PLD1: variants seen among roughly 807,000 people sequenced by gnomAD.
The protein encoded by PLD1 is choline phosphatase 1.
PLD1 carries 112 observed loss-of-function variants against 137.1 expected under a neutral mutation model. The observed-to-expected ratio is 0.82, with a 90% CI of 0.70 to 0.96. The LOEUF (loss-of-function observed/expected upper bound fraction) is 0.96. Among genes scored for constraint, PLD1 ranks in the 40% least tolerant of loss-of-function variants. The pLI is 0.00. For synonymous variants in PLD1, 431 were observed against 454.7 expected, an observed-to-expected ratio of 0.95 and a Z score of 0.66; for missense variants, 1,321 against 1,342.0, an observed-to-expected ratio of 0.98 and a Z score of 0.24.
At chr3:171,680,025 A>G (rs1269250364) in intron 16 of PLD1, among the ~76,000 whole-genome samples, 1 of 151,938 alleles carries the variant, frequency 6.6e-6, no homozygotes, top group Non-Finnish European at 1.5e-5. Flanking sequence ...AGTGGCTCAG[A>G]TTCTGGCTAC....
At chr3:171,603,986 ACT>A (rs1294091723) in intron 26 of PLD1, among the ~76,000 whole-genome samples, 2 of 152,122 alleles carry the variant, frequency 1.3e-5, no homozygotes, top group Non-Finnish European at 2.9e-5. Flanking sequence ...CATTTTAATG[ACT>A]CTATGCACAT....
intron 1 of PLD1, among the ~76,000 whole-genome samples, chr3:171,750,670 C>T (rs1263406664): frequency 6.6e-6 from 1 of 152,118 alleles, no homozygotes; most frequent in African/African-American, 2.4e-5. Flanking sequence ...AGCTTGTGTT[C>T]AGGAGAACCA....
At position 171,757,622 on chromosome 3, in the gene PLD1, G is replaced by T. The variant is rs550321661; in HGVS notation, c.-31-19540C>A. On this transcript the variant is annotated intron_variant, in intron 1 of 26. Transcript: ENST00000351298. The stretch of plus-strand genomic sequence containing the variant: ...GAAAGATAGATGCCAAAAGTGGAAG[G>T]CATGTATATGCTCAGAATTTGATCT... 2.6e-5 allele frequency among the ~76,000 whole-genome samples: 4 copies of T among 152,250 alleles called. No homozygotes were observed. In the South Asian group the frequency reaches 8.3e-4, roughly 31 times the overall value.
At chr3:171,798,145 A>G (rs1477719292) in intron 1 of PLD1, among the ~76,000 whole-genome samples, 1 of 152,236 alleles carries the variant, frequency 6.6e-6, no homozygotes, top group African/African-American at 2.4e-5. Context: ...AGTGAGTCGG[A>G]CAGGATCAAA....
At chr3:171,804,877 G>T (rs1723786284) in intron 1 of PLD1, among the ~76,000 whole-genome samples, 1 of 152,214 alleles carries the variant, frequency 6.6e-6, no homozygotes, top group South Asian at 2.1e-4. Context: ...ATTGACAAAG[G>T]TATTAGCTCC....
At chr3:171,757,345 A>G in intron 1 of PLD1, among the ~76,000 whole-genome samples, 1 of 152,214 alleles carries the variant, frequency 6.6e-6, no homozygotes, top group Non-Finnish European at 1.5e-5. Context: ...ATAACTAGAA[A>G]AAACAATCAG....
chr3:171,708,089 T>C (rs1232595591), intron 11 of PLD1, among the ~76,000 whole-genome samples: 1 of 152,206 alleles, frequency 6.6e-6, no homozygotes, highest in Non-Finnish European at 1.5e-5. Context: ...GTAGCCAGTG[T>C]TGGCATGTGT....
intron 19 of PLD1, among the ~76,000 whole-genome samples, chr3:171,671,290 G>C (rs1320580296): frequency 6.6e-6 from 1 of 152,168 alleles, no homozygotes; most frequent in Admixed American, 6.5e-5. Flanking sequence ...TGTACTACAG[G>C]AGCTACCTGA....
At chr3:171,648,993 T>C (rs994782004) in intron 21 of PLD1, among the ~76,000 whole-genome samples, 1 of 152,230 alleles carries the variant, frequency 6.6e-6, no homozygotes, top group Non-Finnish European at 1.5e-5. Flanking sequence ...ATTTTGATAT[T>C]TACGCTGACT....
intron 1 of PLD1, among the ~76,000 whole-genome samples, chr3:171,761,831 TC>T (rs1721415765): frequency 6.6e-6 from 1 of 152,194 alleles, no homozygotes; most frequent in Non-Finnish European, 1.5e-5. Context: ...AGATCCACTT[TC>T]TTTCCTTTAG....
chr3:171,764,708 G>T (rs1388304431), intron 1 of PLD1, among the ~76,000 whole-genome samples: 2 of 151,412 alleles, frequency 1.3e-5, no homozygotes, highest in Non-Finnish European at 2.9e-5. Context: ...AGAGTAACCA[G>T]GTCATGTTTG....
intron 1 of PLD1, among the ~76,000 whole-genome samples, chr3:171,743,821 T>C (rs9871488): frequency 6.6e-6 from 1 of 151,952 alleles, no homozygotes; most frequent in African/African-American, 2.4e-5. Flanking sequence ...GGACACTCTT[T>C]GGGGAGGAGG....
At chr3:171,711,502 A>G (rs2108570888) in intron 9 of PLD1, among the ~76,000 whole-genome samples, 1 of 152,164 alleles carries the variant, frequency 6.6e-6, no homozygotes, top group South Asian at 2.1e-4. Context: ...ATAATCAATT[A>G]AACATATTGA....
intron 21 of PLD1, among the ~76,000 whole-genome samples, chr3:171,649,449 G>A (rs1736542130): frequency 6.6e-6 from 1 of 152,178 alleles, no homozygotes; most frequent in African/African-American, 2.4e-5. Context: ...AAGATTCCAT[G>A]GGACACTGTG....
chr3:171,678,794 A>C (rs1459604616), intron 16 of PLD1, among the ~76,000 whole-genome samples: 4 of 152,192 alleles, frequency 2.6e-5, no homozygotes, highest in African/African-American at 9.7e-5. Flanking sequence ...GTGCCAATCT[A>C]TCTTTCTAGT....
Position 171,662,154 on chromosome 3 carries a change from G to A in PLD1, c.2246C>T (p.Ala749Val), listed in dbSNP as rs746924008. The A allele has an allele frequency of 9.3e-6, 15 of 1,611,106 alleles. No individual in the cohort carries two copies. In the Admixed American group the frequency reaches 2.5e-4, roughly 27 times the overall value. ...GTACTTTATACCAGCAGACCAATCA[G>A]CAGCAGAGCGGAGCAACTACAAGGC... ...HANVQLLRSA[A>V]DWSAGIKYHE... Residue 749 changes from alanine to valine, a missense_variant, in exon 20 of 27, where the codon GCT becomes GTT. Transcript: ENST00000351298.
chr3:171,655,846 C>A (rs1187065040), intron 21 of PLD1, among the ~76,000 whole-genome samples: 2 of 152,154 alleles, frequency 1.3e-5, no homozygotes, highest in Non-Finnish European at 2.9e-5. Flanking sequence ...AAATGTGTGA[C>A]ATATGTACCA....
At chr3:171,745,998 G>A (rs1272334896) in intron 1 of PLD1, among the ~76,000 whole-genome samples, 1 of 143,018 alleles carries the variant, frequency 7.0e-6, no homozygotes, top group Non-Finnish European at 1.5e-5. Context: ...TGGCGCCACC[G>A]GCCCCGGGCA....
chr3:171,723,411 G>T (rs901024567), intron 8 of PLD1, among the ~76,000 whole-genome samples: 7 of 152,100 alleles, frequency 4.6e-5, no homozygotes, highest in Non-Finnish European at 1.0e-4. Flanking sequence ...CTTGGCTATT[G>T]TGAATAGTGC....
Sources: gnomAD v4.1 joint callset for allele counts (sites outside exome capture counted in the v4.1 genomes callset) on GRCh38, gnomAD v4.1.1 for gene constraint, MANE v1.5 for transcripts, NCBI Gene and HGNC (gene_info 2026-07-23, HGNC 2026-07-21) for gene names.